Variants in MFN1 observed in about 807,000 individuals in gnomAD.
MFN1 encodes the protein mitofusin 1.
Under a neutral mutation model 92.4 loss-of-function variants are expected in MFN1, and 65 were observed. The ratio of observed to expected loss-of-function variants is 0.70; its 90% confidence interval spans 0.58 to 0.86. The LOEUF (loss-of-function observed/expected upper bound fraction) is 0.86, where lower values mean the gene tolerates loss of function less well. Ranked by LOEUF, MFN1 falls within the 40% of genes least tolerant of loss-of-function variation. The pLI is 0.00. For synonymous variants in MFN1, 297 were observed against 300.9 expected (o/e 0.99, Z 0.13); for missense variants, 781 against 868.0 (o/e 0.90, Z 1.26).
chr3:179,368,353 C>T (rs1458105531), intron 9 of MFN1, among the ~76,000 whole-genome samples: 1 of 152,094 alleles, frequency 6.6e-6, no homozygotes, highest in Non-Finnish European at 1.5e-5. Context: ...AAATAAGAAA[C>T]TGTGTTTCAA....
chr3:179,383,906 G>C (rs1713572345), intron 14 of MFN1, among the ~76,000 whole-genome samples: 3 of 152,138 alleles, frequency 2.0e-5, no homozygotes, highest in Non-Finnish European at 2.9e-5. Context: ...GGAAATTTGT[G>C]AAATTGTAAA....
rs111676503 is a variant in MFN1, at chr3:179,378,329, C to T, written c.1330-12C>T. On this transcript the variant is annotated splice_polypyrimidine_tract_variant and intron_variant, in intron 12 of 17. Transcript: ENST00000471841. ...GAGAAAAAATAATATGGATATTTAC[C>T]ATTGTTAACAGGAATTAAATAAGCA... The T allele has an allele frequency of 4.5e-6, 7 of 1,545,942 alleles. No individual in the cohort carries two copies. In the African/African-American group the frequency reaches 5.6e-5, roughly 12 times the overall value.
In MFN1 at chr3:179,358,905, T is replaced by C. The variant is rs763852864; in HGVS notation, c.314T>C (p.Ile105Thr). The change falls in exon 4 of 18, where the codon ATT (isoleucine) becomes ACT (threonine). Residue 105 changes from isoleucine to threonine, a missense_variant. Coordinates refer to ENST00000471841, the MANE Select transcript of MFN1 (RefSeq NM_033540.3). ...MLWDKVLPSG[I>T]GHITNCFLSV... is the part of the protein sequence containing the mutation. Reference sequence around the variant, plus strand: ...TGGGATAAAGTTCTCCCTAGTGGGATTGGCCATATAACCAATTGCTTCCTA... The same window carrying C: ...TGGGATAAAGTTCTCCCTAGTGGGACTGGCCATATAACCAATTGCTTCCTA... 6 of 1,614,110 alleles carry C rather than the reference T, an allele frequency of 3.7e-6. No individual in the cohort carries two copies. Among genetic ancestry groups the C allele is most frequent in the Non-Finnish European group, 5.1e-6 (6 of 1,180,000 alleles).
At chr3:179,371,816 C>T (rs1335607822) in intron 9 of MFN1, among the ~76,000 whole-genome samples, 3 of 151,700 alleles carry the variant, frequency 2.0e-5, no homozygotes, top group African/African-American at 7.3e-5. Flanking sequence ...AGTATTGTCT[C>T]AATGGTAAAT....
intron 6 of MFN1, 116 bp downstream of exon 6, chr3:179,364,521 G>A: frequency 1.3e-6 from 1 of 764,856 alleles, no homozygotes; most frequent in South Asian, 1.7e-5. Flanking sequence ...CTAAAAACAG[G>A]CATGAATGAA....
chr3:179,359,326 T>C (rs1712474651), intron 4 of MFN1, among the ~76,000 whole-genome samples: 1 of 151,664 alleles, frequency 6.6e-6, no homozygotes, highest in African/African-American at 2.4e-5. Flanking sequence ...TTCACCATCT[T>C]GGCCAGGCTG....
intron 3 of MFN1, among the ~76,000 whole-genome samples, chr3:179,356,155 G>T (rs1161805163): frequency 6.6e-6 from 1 of 152,164 alleles, no homozygotes; most frequent in Non-Finnish European, 1.5e-5. Context: ...GTGGTTTAGG[G>T]TGGGGTGCCT....
intron 14 of MFN1, among the ~76,000 whole-genome samples, chr3:179,384,482 A>G (rs1553848121): frequency 2.0e-5 from 3 of 152,064 alleles, no homozygotes; most frequent in Non-Finnish European, 4.4e-5. Context: ...GCTTTTACCT[A>G]TTTTTAAATT....
At position 179,377,358 on chromosome 3, in the gene MFN1, G is replaced by T; in HGVS notation, c.1239G>T (p.Met413Ile). 1 of 1,607,712 alleles carries T rather than the reference G, an allele frequency of 6.2e-7. No individual in the cohort carries two copies. Among genetic ancestry groups the T allele is most frequent in the Admixed American group, 1.7e-5 (1 of 59,666 alleles). Residue 413 changes from methionine to isoleucine, a missense_variant, in exon 12 of 18, where the codon ATG (methionine) becomes ATT (isoleucine). Physicochemically the swap from Met to Ile is conservative, Grantham distance 10. Transcript: ENST00000471841. ...EEVANKVSCA[M>I]TDEICRLSVL... is the part of the protein sequence containing the mutation. ...CATATTTTCAGGTTTCATGTGCAAT[G>T]ACAGATGAAATTTGTCGACTGTCTG... is the stretch of plus-strand genomic sequence containing the variant.
chr3:179,376,720 G>A, intron 10 of MFN1, among the ~76,000 whole-genome samples: 1 of 152,152 alleles, frequency 6.6e-6, no homozygotes, highest in East Asian at 1.9e-4. Context: ...GGCTTGTAAG[G>A]TGCTATATGC....
At position 179,358,757 on chromosome 3, in the gene MFN1, A is replaced by G. The variant is rs1712444089; in HGVS notation, c.249-83A>G. 20 of 1,421,208 alleles carry G rather than the reference A, an allele frequency of 1.4e-5. No homozygotes were observed. In the South Asian group the frequency reaches 2.7e-4, roughly 19 times the overall value. 88.0% of individuals were successfully genotyped at this position (1,421,208 alleles called of 1,614,324 possible). A position where few individuals can be genotyped will look rare whatever the true frequency, so the allele number is the denominator to read the frequency against. On this transcript the variant is annotated intron_variant, in intron 3 of 17. Transcript: ENST00000471841. ...GAAATCTTAACAAAATTTGGATTTTAAAAAAGTTGATATTAGACCCAGTGA... is the reference window on the plus strand; with the variant it reads ...GAAATCTTAACAAAATTTGGATTTTGAAAAAGTTGATATTAGACCCAGTGA...
At chr3:179,357,014 G>A (rs1464469928) in intron 3 of MFN1, among the ~76,000 whole-genome samples, 1 of 151,620 alleles carries the variant, frequency 6.6e-6, no homozygotes, top group African/African-American at 2.4e-5. Context: ...TCGTTGATTG[G>A]TTGCAACTTG....
In MFN1 at chr3:179,385,602, C is replaced by T; in HGVS notation, c.1696C>T (p.Pro566Ser). ...ATCTTTAGCTTCTACTCCCACTGCTCCTACCACTCCAGCAACGCCAGATAA... is the reference window on the plus strand; with the variant it reads ...ATCTTTAGCTTCTACTCCCACTGCTTCTACCACTCCAGCAACGCCAGATAA... Reference protein sequence around the residue: ...PRSLASTPTAPTTPATPDNAS... With the variant: ...PRSLASTPTASTTPATPDNAS... Residue 566 changes from proline to serine, a missense_variant, in exon 15 of 18, where the codon CCT becomes TCT. Coordinates refer to ENST00000471841, the MANE Select transcript of MFN1 (RefSeq NM_033540.3). 1 of 1,612,678 alleles carries T rather than the reference C, an allele frequency of 6.2e-7. No individual in the cohort carries two copies. The highest frequency in any genetic ancestry group is 8.5e-7 in the Non-Finnish European group (1 of 1,179,792).
At chr3:179,359,932 GT>G (rs1712507263) in intron 4 of MFN1, 1 of 151,654 alleles carries the variant, frequency 6.6e-6, no homozygotes, top group African/African-American at 2.4e-5. Context: ...TTATTTATTT[GT>G]TTTTAGATGG....
chr3:179,371,228 G>A (rs1713011743), intron 9 of MFN1, among the ~76,000 whole-genome samples: 1 of 152,188 alleles, frequency 6.6e-6, no homozygotes, highest in African/African-American at 2.4e-5. Flanking sequence ...ATATTAGCCT[G>A]GGCATTGGTG....
In MFN1 at chr3:179,349,035, G is replaced by A. The variant is rs928921966; in HGVS notation, c.112+72G>A. The A allele has an allele frequency of 2.4e-6, 3 of 1,273,938 alleles. No individual in the cohort carries two copies. In the African/African-American group the frequency reaches 4.4e-5, roughly 19 times the overall value. 78.9% of individuals were successfully genotyped at this position (1,273,938 alleles called of 1,614,324 possible). The stretch of plus-strand genomic sequence containing the variant: ...AAAAGTGCTTATTCTTTCAACGTTA[G>A]TTATTGAACACATGTATAGGGCATT... On this transcript the variant is annotated intron_variant, in intron 2 of 17. Coordinates refer to ENST00000471841, the MANE Select transcript of MFN1 (RefSeq NM_033540.3).
At chr3:179,390,660 C>T (rs745826499) in intron 17 of MFN1, among the ~76,000 whole-genome samples, 3 of 152,134 alleles carry the variant, frequency 2.0e-5, no homozygotes, top group Admixed American at 6.5e-5. Context: ...TGTCACCATT[C>T]GGTCTGTAGT....
intron 16 of MFN1, among the ~76,000 whole-genome samples, chr3:179,388,610 A>T (rs563174537): frequency 6.6e-6 from 1 of 152,346 alleles, no homozygotes; most frequent in African/African-American, 2.4e-5. Context: ...TAATTATAAT[A>T]CAAAGTGAGA....
At chr3:179,369,743 T>G (rs1473365567) in intron 9 of MFN1, among the ~76,000 whole-genome samples, 2 of 152,160 alleles carry the variant, frequency 1.3e-5, no homozygotes. Flanking sequence ...TATATACATA[T>G]ATATTCAAAG....
Sources: allele counts gnomAD v4.1 joint callset (sites outside exome capture counted in the v4.1 genomes callset), GRCh38; gene constraint gnomAD v4.1.1; transcripts MANE v1.5; gene names NCBI Gene and HGNC (gene_info 2026-07-23, HGNC 2026-07-21).